The following PDE4D variants were observed in gnomAD, a reference collection of about 807,000 sequenced individuals.
PDE4D encodes phosphodiesterase 4D, also known as 3',5'-cyclic-AMP phosphodiesterase 4D.
A neutral mutation model predicts 87.4 loss-of-function variants in PDE4D; 24 were observed. The ratio of observed to expected loss-of-function variants is 0.27; its 90% confidence interval spans 0.20 to 0.39. The LOEUF (loss-of-function observed/expected upper bound fraction) is 0.39. PDE4D is among the 10% of genes least tolerant of loss of function. The probability of loss-of-function intolerance (pLI) is 1.00; values close to 1 mark genes in which losing one functional copy is unlikely to be tolerated. For synonymous variants in PDE4D, 384 were observed against 383.2 expected (o/e 1.00, Z -0.02); for missense variants, 714 against 1,041.0 (o/e 0.69, Z 4.32).
At chr5:60,412,020 G>A (rs866715720) in intron 1 of PDE4D, among the ~76,000 whole-genome samples, 3 of 152,128 alleles carry the variant, frequency 2.0e-5, no homozygotes, top group Admixed American at 6.5e-5. Flanking sequence ...AATTCTTAGA[G>A]TAACTATCTC....
chr5:59,058,937 G>A (rs574004854), intron 5 of PDE4D, among the ~76,000 whole-genome samples: 1 of 152,190 alleles, frequency 6.6e-6, no homozygotes, highest in Admixed American at 6.5e-5. Flanking sequence ...AAGCTTCTCA[G>A]GTTAAACTGC....
chr5:59,980,712 A>T (rs1228364328), intron 3 of PDE4D, among the ~76,000 whole-genome samples: 1 of 152,210 alleles, frequency 6.6e-6, no homozygotes, highest in Non-Finnish European at 1.5e-5. Context: ...ATGAAAAGGT[A>T]CTGTGATAAC....
At chr5:59,743,192 A>C (rs577831585) in intron 1 of PDE4D, among the ~76,000 whole-genome samples, 1 of 152,292 alleles carries the variant, frequency 6.6e-6, no homozygotes, top group Non-Finnish European at 1.5e-5. Flanking sequence ...GATAGACAAA[A>C]GTTAAATATA....
chr5:59,717,542 C>A (rs775783023), intron 1 of PDE4D, among the ~76,000 whole-genome samples: 2 of 151,994 alleles, frequency 1.3e-5, no homozygotes, highest in Non-Finnish European at 2.9e-5. Context: ...ATAAATGTAA[C>A]CCTGTGGAAA....
intron 1 of PDE4D, among the ~76,000 whole-genome samples, chr5:59,488,166 CAA>C (rs529078753): frequency 0.013 from 1,344 of 107,326 alleles, 17 homozygotes; most frequent in African/African-American, 0.037. Flanking sequence ...CATCAAGAGC[CAA>C]AAAAAAAAAA....
chr5:60,163,949 T>G (rs914230080), intron 2 of PDE4D, among the ~76,000 whole-genome samples: 2 of 152,186 alleles, frequency 1.3e-5, no homozygotes, highest in East Asian at 3.9e-4. Context: ...GAGGAGAGCA[T>G]TCTAGCAGAA....
chr5:59,327,879 G>GA (rs1776003542), intron 1 of PDE4D, among the ~76,000 whole-genome samples: 1 of 152,160 alleles, frequency 6.6e-6, no homozygotes, highest in Admixed American at 6.6e-5. Flanking sequence ...TTCTTCGTCT[G>GA]AAAAATGAGG....
At chr5:59,469,971 G>A (rs1802198494) in intron 1 of PDE4D, among the ~76,000 whole-genome samples, 1 of 152,086 alleles carries the variant, frequency 6.6e-6, no homozygotes, top group African/African-American at 2.4e-5. Context: ...GAAAGGCATT[G>A]GGCGACTTCG....
intron 1 of PDE4D, among the ~76,000 whole-genome samples, chr5:59,739,424 C>G (rs924600911): frequency 7.9e-5 from 12 of 151,752 alleles, no homozygotes; most frequent in African/African-American, 2.2e-4. Flanking sequence ...TGTGTCAAAA[C>G]AACAACAACA....
At chr5:59,391,207 T>A (rs1487162188) in intron 1 of PDE4D, among the ~76,000 whole-genome samples, 1 of 152,112 alleles carries the variant, frequency 6.6e-6, no homozygotes, top group East Asian at 1.9e-4. Context: ...TGTGGGAAAG[T>A]TAAAGATGGC....
chr5:60,225,757 A>G (rs1165919568), intron 1 of PDE4D, among the ~76,000 whole-genome samples: 2 of 152,140 alleles, frequency 1.3e-5, no homozygotes, highest in Admixed American at 6.6e-5. Flanking sequence ...AGTGCTGTAC[A>G]GTACATATAT....
At chr5:59,569,596 T>C (rs564736946) in intron 1 of PDE4D, among the ~76,000 whole-genome samples, 3 of 152,216 alleles carry the variant, frequency 2.0e-5, no homozygotes, top group African/African-American at 7.2e-5. Flanking sequence ...ATGAAATGCC[T>C]GTTCTGACCA....
At chr5:60,313,170 A>C (rs1027869945) in intron 1 of PDE4D, among the ~76,000 whole-genome samples, 1 of 152,050 alleles carries the variant, frequency 6.6e-6, no homozygotes, top group Non-Finnish European at 1.5e-5. Context: ...AATAAAATTG[A>C]TACACCACTA....
At chr5:60,319,285 G>A (rs978394928) in intron 1 of PDE4D, among the ~76,000 whole-genome samples, 2 of 152,156 alleles carry the variant, frequency 1.3e-5, no homozygotes, top group Non-Finnish European at 1.5e-5. Flanking sequence ...ATCGGCTACT[G>A]AGGCTTGTGC....
At chr5:60,448,078 T>C (rs575285172) in intron 1 of PDE4D, among the ~76,000 whole-genome samples, 4 of 152,260 alleles carry the variant, frequency 2.6e-5, no homozygotes, top group African/African-American at 9.6e-5. Flanking sequence ...ATTTTAAATC[T>C]ATTTGATTCA....
In PDE4D at chr5:59,128,765, T is replaced by C. The variant is rs963158860; in HGVS notation, c.808+51830A>G. Among the ~76,000 whole-genome samples, 3 of 152,206 alleles carry C rather than the reference T, an allele frequency of 2.0e-5. No individual in the cohort carries two copies. In the East Asian group the frequency reaches 5.8e-4, roughly 29 times the overall value. ...ACCCATAGTAAGCTTATTAGGAGAT[T>C]AGGAGCAACTGTTCCAGAGAGAAGC... On this transcript the variant is annotated intron_variant, in intron 5 of 14. Transcript: ENST00000340635.
intron 1 of PDE4D, among the ~76,000 whole-genome samples, chr5:59,609,625 A>G (rs115146960): frequency 0.024 from 3,629 of 152,160 alleles, 64 homozygotes; most frequent in Non-Finnish European, 0.036. Context: ...TCCCTCCACC[A>G]CAAACCTGTC....
In PDE4D at chr5:60,351,610, G is replaced by T. The variant is rs1011110959; in HGVS notation, c.-90+136332C>A. Among the ~76,000 whole-genome samples, 5 of 152,004 alleles carry T rather than the reference G, an allele frequency of 3.3e-5. 1 individual carries two copies. The highest frequency in any genetic ancestry group is 1.2e-4 in the African/African-American group (5 of 41,402). ...GGGTCCATGATGACCTTGCAGAATT[G>T]CCATGCCAGCCCCAAACTGCCTACT... On this transcript the variant is annotated intron_variant, in intron 1 of 16. Transcript: ENST00000502484.
At chr5:60,239,227 C>A (rs1020896639) in intron 1 of PDE4D, among the ~76,000 whole-genome samples, 1 of 152,054 alleles carries the variant, frequency 6.6e-6, no homozygotes, top group African/African-American at 2.4e-5. Context: ...TTTATTGTAT[C>A]CTTACCACAC....
Sources: gnomAD v4.1 joint callset for allele counts (sites outside exome capture counted in the v4.1 genomes callset) on GRCh38, gnomAD v4.1.1 for gene constraint, MANE v1.5 for transcripts, NCBI Gene and HGNC (gene_info 2026-07-23, HGNC 2026-07-21) for gene names.